Variants in GRM8 observed in about 807,000 individuals in gnomAD.
GRM8 encodes the protein metabotropic glutamate receptor 8.
A neutral mutation model predicts 87.2 loss-of-function variants in GRM8; 47 were observed. That is an observed-to-expected ratio of 0.54 (90% CI 0.43 to 0.69). The LOEUF (loss-of-function observed/expected upper bound fraction) is 0.69. GRM8 is among the 30% of genes least tolerant of loss of function. The probability of loss-of-function intolerance (pLI) is 0.00; values close to 1 mark genes in which losing one functional copy is unlikely to be tolerated. For missense variants in GRM8, 1,019 were observed against 1,139.2 expected (o/e 0.89, Z 1.52); for synonymous variants, 396 against 404.5 (o/e 0.98, Z 0.25).
intron 8 of GRM8, among the ~76,000 whole-genome samples, chr7:126,603,045 GT>G (rs1797977756): frequency 6.8e-6 from 1 of 148,034 alleles, no homozygotes; most frequent in Non-Finnish European, 1.5e-5. Context: ...CCATGATCAA[GT>G]TGGCTTCATC....
chr7:126,564,076 T>C (rs1793979105), intron 8 of GRM8, among the ~76,000 whole-genome samples: 1 of 152,196 alleles, frequency 6.6e-6, no homozygotes, highest in African/African-American at 2.4e-5. Context: ...GAAGAGAAAT[T>C]AGCAGTTTGG....
At chr7:126,802,349 C>T (rs1202031331) in intron 6 of GRM8, among the ~76,000 whole-genome samples, 1 of 152,166 alleles carries the variant, frequency 6.6e-6, no homozygotes, top group Non-Finnish European at 1.5e-5. Context: ...TTCTCCCAGA[C>T]TCTGGTAATC....
At chr7:126,680,249 A>C (rs946738965) in intron 7 of GRM8, among the ~76,000 whole-genome samples, 1 of 152,136 alleles carries the variant, frequency 6.6e-6, no homozygotes, top group South Asian at 2.1e-4. Flanking sequence ...TTGACAGAAG[A>C]CTGTCAAGAA....
chr7:127,095,910 A>G (rs1824606146), intron 3 of GRM8: 1 of 152,234 alleles, frequency 6.6e-6, no homozygotes, highest in African/African-American at 2.4e-5. Flanking sequence ...GCCCAGCACA[A>G]GTATCACCTG....
At chr7:126,802,550 TC>T (rs1822834905) in intron 6 of GRM8, among the ~76,000 whole-genome samples, 1 of 152,122 alleles carries the variant, frequency 6.6e-6, no homozygotes, top group East Asian at 1.9e-4. Context: ...AAAAAGGAGC[TC>T]CTGTCATTTG....
chr7:126,611,705 C>A (rs1340587207), intron 7 of GRM8, among the ~76,000 whole-genome samples: 3 of 152,106 alleles, frequency 2.0e-5, no homozygotes, highest in Non-Finnish European at 4.4e-5. Flanking sequence ...AACAGCAGTT[C>A]CCAATCTTTT....
chr7:126,942,022 G>C (rs930369842), intron 3 of GRM8, among the ~76,000 whole-genome samples: 11 of 152,310 alleles, frequency 7.2e-5, no homozygotes, highest in Admixed American at 7.2e-4. Context: ...AAACTTGAGA[G>C]AATTAGCAAA....
At chr7:126,974,396 T>G (rs563164785) in intron 3 of GRM8, among the ~76,000 whole-genome samples, 10 of 152,178 alleles carry the variant, frequency 6.6e-5, no homozygotes, top group Non-Finnish European at 1.3e-4. Flanking sequence ...TTAGTTTGCT[T>G]CACTATAGTA....
chr7:127,072,269 T>G (rs887756844), intron 3 of GRM8, among the ~76,000 whole-genome samples: 1 of 152,200 alleles, frequency 6.6e-6, no homozygotes. Context: ...AAGCTCTCCC[T>G]ATCTGCACAA....
chr7:126,704,362 AGGATGT>A (rs1810262258), intron 7 of GRM8, among the ~76,000 whole-genome samples: 1 of 152,094 alleles, frequency 6.6e-6, no homozygotes, highest in Non-Finnish European at 1.5e-5. Flanking sequence ...TAAATTGAGG[AGGATGT>A]ATGTCACCTC....
At chr7:126,982,317 TG>T (rs1202189550) in intron 3 of GRM8, among the ~76,000 whole-genome samples, 2 of 152,222 alleles carry the variant, frequency 1.3e-5, no homozygotes, top group African/African-American at 4.8e-5. Context: ...TAATCTCCTT[TG>T]GCAACACCCT....
At chr7:127,250,506 A>G (rs1798809598) in intron 1 of GRM8, among the ~76,000 whole-genome samples, 1 of 152,116 alleles carries the variant, frequency 6.6e-6, no homozygotes, top group African/African-American at 2.4e-5. Flanking sequence ...TTCTCCCCAC[A>G]TCCCTTATTC....
At chr7:126,944,427 C>T (rs937169459) in intron 3 of GRM8, among the ~76,000 whole-genome samples, 2 of 152,176 alleles carry the variant, frequency 1.3e-5, no homozygotes, top group Non-Finnish European at 2.9e-5. Flanking sequence ...AAACTAGATA[C>T]TTGACCCATG....
chr7:126,469,037 G>A (rs1189527174), intron 9 of GRM8, among the ~76,000 whole-genome samples: 1 of 152,008 alleles, frequency 6.6e-6, no homozygotes, highest in East Asian at 1.9e-4. Flanking sequence ...TTTAATCTTT[G>A]TTTCAGCATT....
chr7:126,740,301 T>C (rs1048092194), intron 7 of GRM8, among the ~76,000 whole-genome samples: 2 of 152,098 alleles, frequency 1.3e-5, no homozygotes, highest in African/African-American at 4.8e-5. Context: ...CACAAGCTAA[T>C]ATCACCTCTG....
chr7:126,823,221 T>C (rs1205171962), intron 6 of GRM8, among the ~76,000 whole-genome samples: 1 of 152,232 alleles, frequency 6.6e-6, no homozygotes, highest in Non-Finnish European at 1.5e-5. Flanking sequence ...AAAGCTTCTA[T>C]TTTAAAAATA....
At chr7:127,057,630 T>G (rs1820132611) in intron 3 of GRM8, among the ~76,000 whole-genome samples, 1 of 152,200 alleles carries the variant, frequency 6.6e-6, no homozygotes, top group Admixed American at 6.5e-5. Flanking sequence ...GCAAGATTAT[T>G]GTTATAAAAT....
chr7:126,803,855 A>G (rs1429310573), intron 6 of GRM8, among the ~76,000 whole-genome samples: 1 of 152,240 alleles, frequency 6.6e-6, no homozygotes, highest in Non-Finnish European at 1.5e-5. Flanking sequence ...CCTGCCTCAT[A>G]GGATTAAATG....
intron 3 of GRM8, among the ~76,000 whole-genome samples, chr7:127,046,983 G>A (rs1471550182): frequency 6.6e-6 from 1 of 152,108 alleles, no homozygotes; most frequent in Non-Finnish European, 1.5e-5. Flanking sequence ...TTTGGTGTGC[G>A]ATTTCATCAT....
Sources: gnomAD v4.1 joint callset for allele counts (sites outside exome capture counted in the v4.1 genomes callset) on GRCh38, gnomAD v4.1.1 for gene constraint, MANE v1.5 for transcripts, NCBI Gene and HGNC (gene_info 2026-07-23, HGNC 2026-07-21) for gene names.